The following FCHSD2 variants were observed in gnomAD, a reference collection of about 807,000 sequenced individuals.
FCHSD2 encodes F-BAR and double SH3 domains protein 2.
Under a neutral mutation model 108.1 loss-of-function variants are expected in FCHSD2, and 38 were observed. The observed-to-expected ratio is 0.35, with a 90% CI of 0.27 to 0.46. FCHSD2 has a LOEUF of 0.46. Among genes scored for constraint, FCHSD2 ranks in the 20% least tolerant of loss-of-function variants. FCHSD2 has a pLI of 1.00. For synonymous variants in FCHSD2, 279 were observed against 314.7 expected, an observed-to-expected ratio of 0.89 and a Z score of 1.20; for missense variants, 751 against 897.8, an observed-to-expected ratio of 0.84 and a Z score of 2.09.
intron 12 of FCHSD2, among the ~76,000 whole-genome samples, chr11:72,883,710 T>C (rs548062516): frequency 2.6e-5 from 4 of 152,122 alleles, no homozygotes; most frequent in African/African-American, 4.8e-5. Context: ...GGCAGGCAGA[T>C]TGCTTGACCC....
chr11:73,061,742 T>A (rs1412526027), intron 3 of FCHSD2, among the ~76,000 whole-genome samples: 3 of 152,214 alleles, frequency 2.0e-5, no homozygotes, highest in African/African-American at 7.2e-5. Context: ...GCAAGGCTGC[T>A]GTGGCCAGAC....
chr11:73,050,815 C>T (rs998027748), intron 3 of FCHSD2, among the ~76,000 whole-genome samples: 3 of 152,052 alleles, frequency 2.0e-5, no homozygotes, highest in African/African-American at 7.2e-5. Flanking sequence ...TACCAAAGGC[C>T]GAGAATATCT....
chr11:72,963,486 C>T (rs1856851988), intron 8 of FCHSD2, among the ~76,000 whole-genome samples: 1 of 152,114 alleles, frequency 6.6e-6, no homozygotes, highest in African/African-American at 2.4e-5. Flanking sequence ...ATTTGCCTTG[C>T]TCAAAAAAAC....
intron 12 of FCHSD2, among the ~76,000 whole-genome samples, chr11:72,876,178 A>G (rs1344254183): frequency 1.3e-5 from 2 of 152,006 alleles, no homozygotes; most frequent in African/African-American, 2.4e-5. Flanking sequence ...GGAAAATAAA[A>G]TATTAGCTGG....
chr11:73,006,075 T>C (rs1223270075), intron 4 of FCHSD2, among the ~76,000 whole-genome samples: 2 of 149,832 alleles, frequency 1.3e-5, no homozygotes, highest in African/African-American at 2.4e-5. Context: ...ATGTGGCTAT[T>C]TTTTTTTTTA....
At chr11:73,019,672 C>A (rs1441865256) in intron 3 of FCHSD2, among the ~76,000 whole-genome samples, 1 of 152,076 alleles carries the variant, frequency 6.6e-6, no homozygotes, top group Non-Finnish European at 1.5e-5. Flanking sequence ...CTGTGTACTC[C>A]ATGCAGCTGT....
At chr11:72,942,539 A>G (rs995784046) in intron 8 of FCHSD2, among the ~76,000 whole-genome samples, 3 of 152,232 alleles carry the variant, frequency 2.0e-5, no homozygotes, top group Admixed American at 1.3e-4. Flanking sequence ...AAAGATTAGA[A>G]GGATATGCCA....
intron 5 of FCHSD2, among the ~76,000 whole-genome samples, chr11:72,995,038 G>A (rs1156889676): frequency 6.6e-6 from 1 of 152,112 alleles, no homozygotes; most frequent in African/African-American, 2.4e-5. Flanking sequence ...TCTCTATGGA[G>A]TTCCTTTTTG....
chr11:72,930,819 G>A (rs1411693228), intron 8 of FCHSD2, among the ~76,000 whole-genome samples: 1 of 152,174 alleles, frequency 6.6e-6, no homozygotes, highest in Non-Finnish European at 1.5e-5. Context: ...AGGGGTTGAG[G>A]AGGAGGTAGG....
intron 2 of FCHSD2, among the ~76,000 whole-genome samples, chr11:73,138,069 A>G (rs1391694587): frequency 6.6e-6 from 1 of 152,200 alleles, no homozygotes; most frequent in African/African-American, 2.4e-5. Flanking sequence ...TATTGCAAGC[A>G]AAATGTGATG....
intron 12 of FCHSD2, chr11:72,869,427 T>C (rs548418438): frequency 7.1e-6 from 1 of 140,336 alleles, no homozygotes; most frequent in East Asian, 2.1e-4. Flanking sequence ...AAAGAGAGGG[T>C]TGGGGGGAGG....
chr11:72,869,189 G>A (rs1436812966), intron 12 of FCHSD2, among the ~76,000 whole-genome samples: 1 of 152,136 alleles, frequency 6.6e-6, no homozygotes. Flanking sequence ...TTACAGGCAT[G>A]AGCCACCTCA....
intron 10 of FCHSD2, among the ~76,000 whole-genome samples, chr11:72,890,413 C>T (rs1427573442): frequency 1.3e-5 from 2 of 152,008 alleles, no homozygotes; most frequent in East Asian, 1.9e-4. Context: ...AATCTTGCAC[C>T]CCTCCCCCTG....
At chr11:73,075,300 T>C (rs1049899290) in intron 3 of FCHSD2, among the ~76,000 whole-genome samples, 8 of 152,182 alleles carry the variant, frequency 5.3e-5, no homozygotes, top group African/African-American at 1.9e-4. Flanking sequence ...TTCCATTCCT[T>C]AGGTAAATAC....
intron 8 of FCHSD2, among the ~76,000 whole-genome samples, chr11:72,956,924 T>A (rs1022122713): frequency 6.6e-6 from 1 of 151,988 alleles, no homozygotes; most frequent in African/African-American, 2.4e-5. Flanking sequence ...CACTTCTTCA[T>A]GTGATACATA....
chr11:72,850,553 C>T (rs755554512), intron 13 of FCHSD2, among the ~76,000 whole-genome samples: 83 of 151,674 alleles, frequency 5.5e-4, no homozygotes, highest in Non-Finnish European at 1.1e-3. Context: ...TGGGGTTTCA[C>T]TGTGTTAGCC....
chr11:73,118,710 C>A (rs1474631050), intron 2 of FCHSD2, among the ~76,000 whole-genome samples: 3 of 152,104 alleles, frequency 2.0e-5, no homozygotes, highest in Non-Finnish European at 4.4e-5. Flanking sequence ...TATGATGATA[C>A]TATAATGATG....
At chr11:72,915,085 C>T (rs1046354744) in intron 9 of FCHSD2, among the ~76,000 whole-genome samples, 15 of 144,268 alleles carry the variant, frequency 1.0e-4, no homozygotes, top group Admixed American at 5.8e-4. Context: ...AGTGGGCAAA[C>T]GACATGAACA....
At chr11:72,864,262 G>T (rs1037447411) in intron 13 of FCHSD2, among the ~76,000 whole-genome samples, 1 of 152,086 alleles carries the variant, frequency 6.6e-6, no homozygotes. Context: ...TAAAAGATTA[G>T]AAAAAATAAA....
Sources: gnomAD v4.1 joint callset for allele counts (sites outside exome capture counted in the v4.1 genomes callset) on GRCh38, gnomAD v4.1.1 for gene constraint, MANE v1.5 for transcripts, NCBI Gene and HGNC (gene_info 2026-07-23, HGNC 2026-07-21) for gene names.